The following PPARGC1B variants were observed in gnomAD, a reference collection of about 807,000 sequenced individuals.
The protein encoded by PPARGC1B is PPARG coactivator 1 beta, also known as peroxisome proliferator-activated receptor gamma coactivator 1-beta.
Under a neutral mutation model 101.6 loss-of-function variants are expected in PPARGC1B, and 34 were observed. The observed-to-expected ratio is 0.33, with a 90% CI of 0.25 to 0.45. PPARGC1B has a LOEUF of 0.45. Among genes scored for constraint, PPARGC1B ranks in the 20% least tolerant of loss-of-function variants. PPARGC1B has a pLI of 1.00. For synonymous variants in PPARGC1B, 548 were observed against 539.3 expected, an observed-to-expected ratio of 1.02 and a Z score of -0.22; for missense variants, 1,234 against 1,317.6, an observed-to-expected ratio of 0.94 and a Z score of 0.98.
At chr5:149,770,219 CA>C (rs1298639404) in intron 1 of PPARGC1B, among the ~76,000 whole-genome samples, 1 of 152,142 alleles carries the variant, frequency 6.6e-6, no homozygotes, top group Non-Finnish European at 1.5e-5. Flanking sequence ...CTGGCCTCTT[CA>C]GGGGGAGAAG....
At chr5:149,736,379 T>G (rs1220017256) in intron 1 of PPARGC1B, among the ~76,000 whole-genome samples, 4 of 152,078 alleles carry the variant, frequency 2.6e-5, no homozygotes, top group African/African-American at 9.7e-5. Flanking sequence ...TTTTTTTTTT[T>G]TGCGTAAAAA....
At chr5:149,822,643 C>A (rs28282) in intron 2 of PPARGC1B, among the ~76,000 whole-genome samples, 1 of 152,100 alleles carries the variant, frequency 6.6e-6, no homozygotes, top group Non-Finnish European at 1.5e-5. Flanking sequence ...CGCAGCTCTC[C>A]TGATGCCTCC....
In PPARGC1B at chr5:149,854,410, A is replaced by G. The variant is rs1195011640; in HGVS notation, c.*6852A>G. The G allele has an allele frequency of 6.6e-6, 1 of 151,146 alleles. No individual in the cohort carries two copies. The highest frequency in any genetic ancestry group is 1.5e-5 in the Non-Finnish European group (1 of 67,804). The allele number at this position is 151,146 out of a possible 1,614,324, so 9.4% of individuals were successfully genotyped here. On this transcript the variant is annotated 3_prime_UTR_variant, in exon 12 of 12. Transcript: ENST00000309241. ...GTTTGTGTGTGTGTGTGTGTGTGGA[A>G]TTACATTGATGCATTTATTGAGAAA...
chr5:149,771,509 G>C (rs1195507405), intron 1 of PPARGC1B, among the ~76,000 whole-genome samples: 1 of 152,222 alleles, frequency 6.6e-6, no homozygotes, highest in African/African-American at 2.4e-5. Context: ...GGGCTATGGA[G>C]ATATTCTAGT....
chr5:149,780,420 C>T (rs903221590), intron 1 of PPARGC1B, among the ~76,000 whole-genome samples: 6 of 152,214 alleles, frequency 3.9e-5, no homozygotes, highest in African/African-American at 1.4e-4. Context: ...CAGCTCTCCA[C>T]TGTCTCAGCA....
chr5:149,845,805 G>A lies in PPARGC1B; in HGVS notation c.2862G>A (p.Ala954=), dbSNP rs779985626. ...GFITYRCSEH[A]ALSLTKGAAL... ...TCACCTACCGGTGTTCTGAGCACGC[G>A]GCCCTCTCTTTGACAAAGGGCGCTG... Residue 954 remains alanine (A), a synonymous_variant, in exon 11 of 12, where the codon GCG becomes GCA. Coordinates refer to ENST00000309241, the MANE Select transcript of PPARGC1B (RefSeq NM_133263.4). The A allele has an allele frequency of 3.7e-5, 60 of 1,613,840 alleles. No individual in the cohort carries two copies. The highest frequency in any genetic ancestry group is 3.3e-4 in the Middle Eastern group (2 of 6,060).
intron 8 of PPARGC1B, among the ~76,000 whole-genome samples, chr5:149,838,920 G>A (rs1445992554): frequency 6.6e-6 from 1 of 152,186 alleles, no homozygotes; most frequent in Non-Finnish European, 1.5e-5. Context: ...TGAACTCCAC[G>A]ATACCTTCCA....
Position 149,760,757 on chromosome 5 carries a change from G to A in PPARGC1B, c.78+30337G>A, listed in dbSNP as rs140205302. On this transcript the variant is annotated intron_variant, in intron 1 of 11. Coordinates refer to ENST00000309241, the MANE Select transcript of PPARGC1B (RefSeq NM_133263.4). The stretch of plus-strand genomic sequence containing the variant: ...TGCTGCGCATGGCTGCCCCTTGAGA[G>A]AGGAGGAGAGGAGTTATTTCTGGAA... Among the ~76,000 whole-genome samples the A allele has an allele frequency of 4.4e-3, 663 of 152,328 alleles. 3 individuals are homozygous for A. Among genetic ancestry groups the A allele is most frequent in the Non-Finnish European group, 7.2e-3 (491 of 68,030 alleles).
intron 1 of PPARGC1B, among the ~76,000 whole-genome samples, chr5:149,796,291 T>C (rs1310006853): frequency 1.3e-5 from 2 of 152,132 alleles, no homozygotes; most frequent in Admixed American, 6.6e-5. Context: ...CAAAAATGGC[T>C]TGTGGATAGA....
chr5:149,792,127 A>G (rs532473661), intron 1 of PPARGC1B, among the ~76,000 whole-genome samples: 2 of 152,134 alleles, frequency 1.3e-5, no homozygotes, highest in African/African-American at 2.4e-5. Flanking sequence ...AAAGGGGAAC[A>G]CGGTGTTCAG....
intron 2 of PPARGC1B, among the ~76,000 whole-genome samples, chr5:149,825,530 C>T (rs541346836): frequency 2.0e-5 from 3 of 152,242 alleles, no homozygotes; most frequent in South Asian, 2.1e-4. Context: ...ATCAGCTGCT[C>T]AGAGAAGGCA....
rs1759841832 is a variant in PPARGC1B at position 149,853,473 on chromosome 5, G to A, written c.*5915G>A. On this transcript the variant is annotated 3_prime_UTR_variant, in exon 12 of 12. Coordinates refer to ENST00000309241, the MANE Select transcript of PPARGC1B (RefSeq NM_133263.4). The surrounding 1 kb of genome is among the most constrained non-coding windows in gnomAD (Gnocchi z 4.2). ...GGAGAGGTCCAGGTGCCCGGGAAGG[G>A]TTTACTGTAACTGCAATACTGGCAG... The A allele has an allele frequency of 6.6e-6, 1 of 152,186 alleles. No individual in the cohort carries two copies. Among genetic ancestry groups the A allele is most frequent in the Admixed American group, 6.5e-5 (1 of 15,286 alleles). 9.4% of individuals were successfully genotyped at this position (152,186 alleles called of 1,614,324 possible). A position where few individuals can be genotyped will look rare whatever the true frequency, so the allele number is the denominator to read the frequency against.
intron 1 of PPARGC1B, among the ~76,000 whole-genome samples, chr5:149,795,515 A>G (rs1240398875): frequency 1.3e-5 from 2 of 152,184 alleles, no homozygotes; most frequent in Non-Finnish European, 2.9e-5. Context: ...TGGAAACCTG[A>G]TCTGGAGATT....
chr5:149,824,129 G>A (rs1359311188), intron 2 of PPARGC1B, among the ~76,000 whole-genome samples: 1 of 152,216 alleles, frequency 6.6e-6, no homozygotes, highest in Non-Finnish European at 1.5e-5. Context: ...ATACAGGGGA[G>A]CAGTAGCGTG....
chr5:149,780,173 T>G (rs1271118654), intron 1 of PPARGC1B, among the ~76,000 whole-genome samples: 2 of 152,144 alleles, frequency 1.3e-5, no homozygotes, highest in African/African-American at 4.8e-5. Context: ...CGTGTGTGAT[T>G]GGAGCATCGA....
intron 1 of PPARGC1B, among the ~76,000 whole-genome samples, chr5:149,811,197 C>T (rs540335616): frequency 4.6e-5 from 7 of 152,338 alleles, no homozygotes; most frequent in African/African-American, 1.7e-4. Flanking sequence ...CCTCCATAGT[C>T]CACACCCACA....
chr5:149,743,907 GGAGGGGCTCA>G (rs1327960180), intron 1 of PPARGC1B, among the ~76,000 whole-genome samples: 1 of 152,200 alleles, frequency 6.6e-6, no homozygotes, highest in African/African-American at 2.4e-5. Context: ...CCTCAACTGG[GGAGGGGCTCA>G]GAGTTTTGAG....
At position 149,837,081 on chromosome 5, in the gene PPARGC1B, CAG is replaced by C. The variant is rs1491576454; in HGVS notation, c.2618+9_2618+10del. 1.9e-6 allele frequency: 3 copies of C among 1,593,730 alleles called. No homozygotes were observed. The highest frequency in any genetic ancestry group is 3.4e-5 in the Admixed American group (2 of 58,618). On this transcript the variant is annotated intron_variant, in intron 8 of 11. Transcript: ENST00000309241. The surrounding 1 kb of genome is among the most constrained non-coding windows in gnomAD (Gnocchi z 4.2). ...CACTCGAAGGAACTTCAGGTATGAACAGGGGGCTGCAGGAGAGGCAGCGGGCA... is the reference window on the plus strand; with the variant it reads ...CACTCGAAGGAACTTCAGGTATGAACGGGGCTGCAGGAGAGGCAGCGGGCA...
intron 3 of PPARGC1B, among the ~76,000 whole-genome samples, chr5:149,827,936 G>C (rs2113380735): frequency 6.6e-6 from 1 of 152,282 alleles, no homozygotes; most frequent in East Asian, 1.9e-4. Flanking sequence ...GTGGCTCCTG[G>C]AGGCTGGCAG....
Sources: gnomAD v4.1 joint callset for allele counts (sites outside exome capture counted in the v4.1 genomes callset) on GRCh38, gnomAD v4.1.1 for gene constraint, Gnocchi (gnomAD v3.1) non-coding constraint, MANE v1.5 for transcripts, NCBI Gene and HGNC (gene_info 2026-07-23, HGNC 2026-07-21) for gene names.